The following TAB1 variants were observed in gnomAD, a reference collection of about 807,000 sequenced individuals.
TAB1 encodes the protein TGF-beta-activated kinase 1 and MAP3K7-binding protein 1.
Under a neutral mutation model 54.5 loss-of-function variants are expected in TAB1, and 30 were observed. The ratio of observed to expected loss-of-function variants is 0.55; its 90% CI spans 0.41 to 0.75. The LOEUF (loss-of-function observed/expected upper bound fraction) is 0.75. Among genes scored for constraint, TAB1 ranks in the 30% least tolerant of loss-of-function variants. The pLI is 0.00. For missense variants in TAB1, 609 were observed against 683.2 expected (o/e 0.89, Z 1.21); for synonymous variants, 289 against 286.9 (o/e 1.01, Z -0.07).
At position 39,415,374 on chromosome 22, in the gene TAB1, G is replaced by A. The variant is rs948578743; in HGVS notation, c.171-126G>A. ...GAGTGAAATGATGGCTAAAGCAGGG[G>A]GACCCAGGAGGGCCCCTGAAGCTGC... On this transcript the variant is annotated intron_variant, in intron 2 of 10. Transcript: ENST00000216160. This position sits in a 1 kb window ranked among gnomAD's most constrained non-coding sequence, Gnocchi z 4.9. 1 of 1,222,442 alleles carries A rather than the reference G, an allele frequency of 8.2e-7. No individual in the cohort carries two copies. Among genetic ancestry groups the A allele is most frequent in the South Asian group, 1.4e-5 (1 of 70,522 alleles). 75.7% of individuals were successfully genotyped at this position (1,222,442 alleles called of 1,614,324 possible).
chr22:39,429,737 C>T lies in TAB1; in HGVS notation c.1308-278C>T, dbSNP rs897848416. ...CCTCAGGTGATCCACCCGTCTTGGC[C>T]TCCCAAAGTGCTGGGATTACAGGCA... On this transcript the variant is annotated intron_variant, in intron 10 of 10. Coordinates refer to ENST00000216160, the MANE Select transcript of TAB1 (RefSeq NM_006116.3). 11 of 826,226 alleles carry T rather than the reference C, an allele frequency of 1.3e-5. No homozygotes were observed. The African/African-American group carries it at 1.9e-4, about 14-fold the overall frequency. The allele number at this position is 826,226 out of a possible 1,614,324, so 51.2% of individuals were successfully genotyped here. A position where few individuals can be genotyped will look rare whatever the true frequency, so the allele number is the denominator to read the frequency against.
intron 8 of TAB1, among the ~76,000 whole-genome samples, chr22:39,425,729 G>A (rs1310262649): frequency 1.3e-5 from 2 of 150,996 alleles, no homozygotes; most frequent in Non-Finnish European, 3.0e-5. Context: ...TGTATTTTTA[G>A]TAGAGATGGG....
chr22:39,412,716 A>G (rs999601397), intron 1 of TAB1, among the ~76,000 whole-genome samples: 7 of 152,118 alleles, frequency 4.6e-5, no homozygotes, highest in Admixed American at 4.6e-4. Flanking sequence ...GGCTTTTTAT[A>G]TATATGATTG....
chr22:39,413,324 C>G (rs1926686771), intron 1 of TAB1, among the ~76,000 whole-genome samples: 1 of 152,166 alleles, frequency 6.6e-6, no homozygotes, highest in Non-Finnish European at 1.5e-5. Flanking sequence ...GATCATTTAA[C>G]ATCTTCCTTG....
intron 1 of TAB1, among the ~76,000 whole-genome samples, chr22:39,400,849 C>G (rs531334748): frequency 8.3e-4 from 126 of 152,152 alleles, no homozygotes; most frequent in African/African-American, 2.9e-3. Flanking sequence ...TCCTGGCCAA[C>G]ATGGTGAAAC....
chr22:39,432,026 T>A, downstream of TAB1: 1 of 309,700 alleles, frequency 3.2e-6, no homozygotes, highest in Non-Finnish European at 4.7e-6. Context: ...GCCTTCTGGC[T>A]GCATTCCATG....
At position 39,415,394 on chromosome 22, in the gene TAB1, A is replaced by C; in HGVS notation, c.171-106A>C. On this transcript the variant is annotated intron_variant, in intron 2 of 10. Transcript: ENST00000216160. This position sits in a 1 kb window ranked among gnomAD's most constrained non-coding sequence, Gnocchi z 4.9. ...CAGGGGGACCCAGGAGGGCCCCTGA[A>C]GCTGCAGCTGCTGTCGCTTTAGTCT... The C allele has an allele frequency of 2.9e-6, 4 of 1,369,460 alleles. No individual in the cohort carries two copies. Among genetic ancestry groups the C allele is most frequent in the Non-Finnish European group, 4.1e-6 (4 of 986,650 alleles). The allele number at this position is 1,369,460 out of a possible 1,614,324, so 84.8% of individuals were successfully genotyped here.
In TAB1 at chr22:39,431,230, G is replaced by GCCAGC. The variant is rs1337176063; in HGVS notation, c.*1018_*1022dup. On this transcript the variant is annotated 3_prime_UTR_variant, in exon 11 of 11. Transcript: ENST00000216160. The stretch of plus-strand genomic sequence containing the variant: ...CTGGGAGGCATAGGAGAAGGGTCGG[G>GCCAGC]CCAGCCCAGCCCAGGGCCTGAGTTA... 1.0e-6 allele frequency: 1 copy of GCCAGC among 985,488 alleles called. No homozygotes were observed. The highest frequency in any genetic ancestry group is 1.2e-6 in the Non-Finnish European group (1 of 830,080). The allele number at this position is 985,488 out of a possible 1,614,324, so 61.0% of individuals were successfully genotyped here.
At chr22:39,406,849 G>A (rs770794361) in intron 1 of TAB1, among the ~76,000 whole-genome samples, 2 of 152,104 alleles carry the variant, frequency 1.3e-5, no homozygotes, top group Non-Finnish European at 2.9e-5. Context: ...TAGCCAGGAT[G>A]GTCTCAATCT....
chr22:39,430,412 C>T lies in TAB1; in HGVS notation c.*190C>T. ...ACTGGACCTGTGGTTCATACCTTGT[C>T]ACCACCCGGGAAGCTGAAGGCCACT... On this transcript the variant is annotated 3_prime_UTR_variant, in exon 11 of 11. Transcript: ENST00000216160. 1.4e-6 allele frequency: 2 copies of T among 1,435,504 alleles called. No homozygotes were observed. The highest frequency in any genetic ancestry group is 1.8e-6 in the Non-Finnish European group (2 of 1,096,028). 88.9% of individuals were successfully genotyped at this position (1,435,504 alleles called of 1,614,324 possible).
chr22:39,416,845 G>A lies in TAB1; in HGVS notation c.379G>A (p.Glu127Lys). ...GGAGTCCATTGACGACGCCTTGGCT[G>A]AGAAGGCAAGCCTCCAGTCGCAATT... ...FLESIDDALA[E>K]KASLQSQLPE... Residue 127 changes from glutamate (E) to lysine (K), a missense_variant, in exon 4 of 11, where the codon GAG becomes AAG. Coordinates refer to ENST00000216160, the MANE Select transcript of TAB1 (RefSeq NM_006116.3). The A allele has an allele frequency of 6.2e-7, 1 of 1,614,236 alleles. No individual in the cohort carries two copies. Among genetic ancestry groups the A allele is most frequent in the Non-Finnish European group, 8.5e-7 (1 of 1,180,046 alleles).
At chr22:39,429,017 G>T (rs1272303692) in intron 10 of TAB1, 1 of 973,908 alleles carries the variant, frequency 1.0e-6, no homozygotes, top group Non-Finnish European at 1.2e-6. Flanking sequence ...CTGCCGGGCT[G>T]CCTGGAGGAG....
intron 7 of TAB1, among the ~76,000 whole-genome samples, chr22:39,421,505 C>T (rs1408493784): frequency 6.6e-6 from 1 of 152,188 alleles, no homozygotes; most frequent in Non-Finnish European, 1.5e-5. Context: ...TAATCCCTCC[C>T]TCTTGCTGTC....
In TAB1 at chr22:39,421,880, C is replaced by T; in HGVS notation, c.830C>T (p.Pro277Leu). The change falls in exon 8 of 11, where the codon CCG (proline) becomes CTG (leucine). Residue 277 changes from proline (P) to leucine (L), a missense_variant. Transcript: ENST00000216160. ...GAGCCAGAAATCCATGGGGCACAGCCGCTGGATGGGGTGACGGGCTTCTTG... is the reference window on the plus strand; with the variant it reads ...GAGCCAGAAATCCATGGGGCACAGCTGCTGGATGGGGTGACGGGCTTCTTG... Reference protein sequence around the residue: ...IAEPEIHGAQPLDGVTGFLVL... With the variant: ...IAEPEIHGAQLLDGVTGFLVL... The T allele has an allele frequency of 7.4e-6, 12 of 1,613,992 alleles. No homozygotes were observed. Among genetic ancestry groups the T allele is most frequent in the Non-Finnish European group, 9.3e-6 (11 of 1,179,944 alleles).
chr22:39,419,658 G>A (rs749980461), intron 7 of TAB1, 28 bp downstream of exon 7: 115 of 1,532,170 alleles, frequency 7.5e-5, no homozygotes, highest in Non-Finnish European at 2.8e-5. Context: ...TGTCCCCTGT[G>A]CTTGAAAGAA....
intron 1 of TAB1, among the ~76,000 whole-genome samples, chr22:39,401,476 C>T (rs1926141264): frequency 6.6e-6 from 1 of 152,170 alleles, no homozygotes; most frequent in African/African-American, 2.4e-5. Flanking sequence ...ATTTGGGAAA[C>T]GCTGGTTGGA....
intron 4 of TAB1, among the ~76,000 whole-genome samples, chr22:39,417,187 G>A (rs1360828221): frequency 2.6e-5 from 4 of 152,228 alleles, no homozygotes; most frequent in African/African-American, 7.2e-5. Flanking sequence ...CACCTGCAGC[G>A]CTTACCTCTG....
intron 1 of TAB1, among the ~76,000 whole-genome samples, chr22:39,405,494 GAGAC>G (rs1481137677): frequency 1.3e-5 from 2 of 152,262 alleles, no homozygotes; most frequent in Non-Finnish European, 2.9e-5. Flanking sequence ...TGCTGAGTGA[GAGAC>G]GCCCCCTTCT....
At position 39,426,747 on chromosome 22, in the gene TAB1, C is replaced by G; in HGVS notation, c.966C>G (p.Ser322=). 2 of 1,613,418 alleles carry G rather than the reference C, an allele frequency of 1.2e-6. No homozygotes were observed. Among genetic ancestry groups the G allele is most frequent in the Non-Finnish European group, 1.7e-6 (2 of 1,179,480 alleles). Residue 322 remains serine (S), a synonymous_variant, in exon 9 of 11, where the codon TCC becomes TCG. Coordinates refer to ENST00000216160, the MANE Select transcript of TAB1 (RefSeq NM_006116.3). ...MIDTEFAKQT[S]LDAVAQAVVD... ...ACACTGAGTTTGCCAAGCAGACCTC[C>G]CTGGACGCAGTGGCCCAGGCCGTCG... is the stretch of plus-strand genomic sequence containing the variant.
Sources: gnomAD v4.1 joint callset for allele counts (sites outside exome capture counted in the v4.1 genomes callset) on GRCh38, gnomAD v4.1.1 for gene constraint, Gnocchi (gnomAD v3.1) non-coding constraint, MANE v1.5 for transcripts, NCBI Gene and HGNC (gene_info 2026-07-23, HGNC 2026-07-21) for gene names.